GATA4: variants seen among roughly 807,000 people sequenced by gnomAD.
GATA4 encodes transcription factor GATA-4.
GATA4 carries 7 observed loss-of-function variants against 37.9 expected under a neutral mutation model. That is an observed-to-expected ratio of 0.18 (90% CI 0.11 to 0.35). The LOEUF (loss-of-function observed/expected upper bound fraction) is 0.35. GATA4 is among the 10% of genes least tolerant of loss of function. The pLI is 1.00. For missense variants in GATA4, 647 were observed against 653.0 expected, an observed-to-expected ratio of 0.99 and a Z score of 0.10; for synonymous variants, 372 against 292.6, an observed-to-expected ratio of 1.27 and a Z score of -2.77.
rs1000779650 is a variant in GATA4, at chr8:11,709,879, C to T, written c.616+951C>T. On this transcript the variant is annotated intron_variant, in intron 2 of 6. Transcript: ENST00000532059. This position sits in a 1 kb window ranked among gnomAD's most constrained non-coding sequence, Gnocchi z 4.3. ...GGGGGAGAAAGGGAAGTGGCAACCCCTAGTTCAAAATGCAAACGACCTCTG... is the reference window on the plus strand; with the variant it reads ...GGGGGAGAAAGGGAAGTGGCAACCCTTAGTTCAAAATGCAAACGACCTCTG... 6.6e-6 allele frequency among the ~76,000 whole-genome samples: 1 copy of T among 152,148 alleles called. No individual in the cohort carries two copies. The highest frequency in any genetic ancestry group is 2.4e-5 in the African/African-American group (1 of 41,434).
Position 11,697,729 on chromosome 8 carries a change from T to C in GATA4, c.-728-2779T>C, listed in dbSNP as rs948730835. On this transcript the variant is annotated intron_variant, in intron 1 of 2. Transcript: ENST00000526974. ...TTCGCGCTTCCTTGACACTTTCCTG[T>C]CTCTGCTCGCCGCGCCAGGTCGCGG... 6.1e-6 allele frequency: 6 copies of C among 985,394 alleles called. No homozygotes were observed. In the South Asian group the frequency reaches 2.8e-4, roughly 46 times the overall value. 61.0% of individuals were successfully genotyped at this position (985,394 alleles called of 1,614,324 possible).
Position 11,740,243 on chromosome 8 carries a change from C to G in GATA4, c.617-8673C>G, listed in dbSNP as rs546434197. On this transcript the variant is annotated intron_variant, in intron 2 of 6. Coordinates refer to ENST00000532059, the MANE Select transcript of GATA4 (RefSeq NM_001308093.3). Reference sequence around the variant, plus strand: ...GCCGTACTACCTGTCAGCCGGGACACTAGGGAGACACAGAGAGGAGGGATC... The same window carrying G: ...GCCGTACTACCTGTCAGCCGGGACAGTAGGGAGACACAGAGAGGAGGGATC... Among the ~76,000 whole-genome samples the G allele has an allele frequency of 1.2e-4, 18 of 152,314 alleles. No homozygotes were observed. In the South Asian group the frequency reaches 2.7e-3, roughly 23 times the overall value.
chr8:11,726,233 C>T (rs1171906577), intron 2 of GATA4, among the ~76,000 whole-genome samples: 1 of 152,172 alleles, frequency 6.6e-6, no homozygotes, highest in African/African-American at 2.4e-5. Flanking sequence ...CGGAGCCATC[C>T]TTGTAAAAGG....
rs11773988 is a variant in GATA4, at chr8:11,750,018, G to A, written c.787-93G>A. The stretch of plus-strand genomic sequence containing the variant: ...TCGTTAGGGCCCAGCCCTGCCTCCC[G>A]TTAGGGAGGCCCAGCTCCGCAGCCA... On this transcript the variant is annotated intron_variant, in intron 3 of 6. Coordinates refer to ENST00000532059, the MANE Select transcript of GATA4 (RefSeq NM_001308093.3). 12,359 of 1,577,486 alleles carry A rather than the reference G, an allele frequency of 7.8e-3. 70 individuals carry two copies. The highest frequency in any genetic ancestry group is 9.8e-3 in the Non-Finnish European group (11,326 of 1,153,360).
At position 11,757,102 on chromosome 8, in the gene GATA4, G is replaced by A; in HGVS notation, c.1149+19G>A. On this transcript the variant is annotated intron_variant, in intron 6 of 6. Transcript: ENST00000532059. Reference sequence around the variant, plus strand: ...GTCCCAGGTACGCGCCATGGCTGGGGCGCCAGGGCTGTTTGTGGGGAGGCC... The same window carrying A: ...GTCCCAGGTACGCGCCATGGCTGGGACGCCAGGGCTGTTTGTGGGGAGGCC... 2 of 1,612,434 alleles carry A rather than the reference G, an allele frequency of 1.2e-6. No homozygotes were observed. Among genetic ancestry groups the A allele is most frequent in the Non-Finnish European group, 8.5e-7 (1 of 1,178,690 alleles).
At chr8:11,682,256 T>A (rs1015973471) in intron 1 of GATA4, among the ~76,000 whole-genome samples, 4 of 152,226 alleles carry the variant, frequency 2.6e-5, no homozygotes, top group Non-Finnish European at 5.9e-5. Flanking sequence ...CTACATCGTT[T>A]ATTTGTAGCT....
At chr8:11,685,480 C>A (rs1203442162) in intron 1 of GATA4, among the ~76,000 whole-genome samples, 5 of 152,214 alleles carry the variant, frequency 3.3e-5, no homozygotes, top group Admixed American at 3.3e-4. Flanking sequence ...CTTCAGGCTT[C>A]CTACGATGTT....
chr8:11,689,906 G>A (rs1164654901), upstream of GATA4, among the ~76,000 whole-genome samples: 2 of 152,238 alleles, frequency 1.3e-5, no homozygotes, highest in Non-Finnish European at 2.9e-5. Context: ...ATAGTAGCAT[G>A]TTGAAATGGA....
At chr8:11,737,978 C>A (rs750732067) in intron 2 of GATA4, among the ~76,000 whole-genome samples, 1 of 152,048 alleles carries the variant, frequency 6.6e-6, no homozygotes, top group Non-Finnish European at 1.5e-5. Flanking sequence ...CTCAGGAGTT[C>A]AAGACCACCC....
intron 2 of GATA4, among the ~76,000 whole-genome samples, chr8:11,735,918 AAT>A (rs1801431748): frequency 6.6e-6 from 1 of 151,860 alleles, no homozygotes; most frequent in African/African-American, 2.4e-5. Flanking sequence ...TGAAAAAAAA[AAT>A]TTTTTTTTGA....
intron 1 of GATA4, among the ~76,000 whole-genome samples, chr8:11,706,966 G>T (rs1005694641): frequency 6.6e-6 from 1 of 152,072 alleles, no homozygotes; most frequent in African/African-American, 2.4e-5. Flanking sequence ...CAAAACGCAG[G>T]ATGCTGGGAA....
intron 1 of GATA4, among the ~76,000 whole-genome samples, chr8:11,681,696 C>A (rs1038882775): frequency 6.6e-6 from 1 of 152,038 alleles, no homozygotes; most frequent in African/African-American, 2.4e-5. Flanking sequence ...TCTCTTTTTC[C>A]TTAATTCTGT....
intron 2 of GATA4, among the ~76,000 whole-genome samples, chr8:11,720,955 A>G (rs560343101): frequency 3.9e-4 from 60 of 152,054 alleles, no homozygotes; most frequent in Non-Finnish European, 7.4e-4. Flanking sequence ...CCAGCTCCAC[A>G]TGCGTGATTT....
At chr8:11,742,059 C>T (rs1225869989) in intron 2 of GATA4, among the ~76,000 whole-genome samples, 3 of 152,136 alleles carry the variant, frequency 2.0e-5, no homozygotes, top group Non-Finnish European at 2.9e-5. Context: ...GAACTTTCCT[C>T]CATTGCCATC....
chr8:11,706,842 G>A (rs1168547715), intron 1 of GATA4, among the ~76,000 whole-genome samples: 2 of 152,166 alleles, frequency 1.3e-5, no homozygotes, highest in African/African-American at 4.8e-5. Context: ...GTAAAATGAG[G>A]AGAGACACCT....
intron 2 of GATA4, among the ~76,000 whole-genome samples, chr8:11,743,611 G>A (rs1263746442): frequency 2.0e-5 from 3 of 152,210 alleles, no homozygotes; most frequent in Admixed American, 6.5e-5. Flanking sequence ...TCTTCCTCCC[G>A]TGCCTTCCCT....
intron 2 of GATA4, among the ~76,000 whole-genome samples, chr8:11,739,150 C>G (rs1431098986): frequency 6.6e-6 from 1 of 152,220 alleles, no homozygotes; most frequent in Non-Finnish European, 1.5e-5. Context: ...ATCTCCAATC[C>G]TGCAGTGCCT....
intron 2 of GATA4, among the ~76,000 whole-genome samples, chr8:11,747,640 C>G (rs1040532192): frequency 2.7e-4 from 41 of 152,100 alleles, no homozygotes; most frequent in African/African-American, 9.7e-4. Flanking sequence ...AAATTTAGTG[C>G]CTTTGACTCA....
At chr8:11,740,155 A>G (rs530539791) in intron 2 of GATA4, among the ~76,000 whole-genome samples, 44 of 152,272 alleles carry the variant, frequency 2.9e-4, no homozygotes, top group African/African-American at 8.2e-4. Flanking sequence ...CCAGTGCCCA[A>G]TGCGTTGTCC....
Sources: gnomAD v4.1 joint callset for allele counts (sites outside exome capture counted in the v4.1 genomes callset) on GRCh38, gnomAD v4.1.1 for gene constraint, Gnocchi (gnomAD v3.1) non-coding constraint, MANE v1.5 for transcripts, NCBI Gene and HGNC (gene_info 2026-07-23, HGNC 2026-07-21) for gene names.